Variants in TGFB2 observed in about 807,000 individuals in gnomAD.
The protein encoded by TGFB2 is transforming growth factor beta 2, also known as transforming growth factor beta-2 proprotein.
TGFB2 carries 13 observed loss-of-function variants against 42.7 expected under a neutral mutation model. That is an observed-to-expected ratio of 0.30 (90% CI 0.20 to 0.48). The LOEUF (loss-of-function observed/expected upper bound fraction) is 0.48. TGFB2 is among the 20% of genes least tolerant of loss of function. TGFB2 has a pLI of 0.99. For synonymous variants in TGFB2, 193 were observed against 193.6 expected, an observed-to-expected ratio of 1.00 and a Z score of 0.03; for missense variants, 390 against 517.5, an observed-to-expected ratio of 0.75 and a Z score of 2.39.
At chr1:218,391,687 G>A (rs960653928) in intron 1 of TGFB2, among the ~76,000 whole-genome samples, 11 of 152,198 alleles carry the variant, frequency 7.2e-5, no homozygotes, top group Non-Finnish European at 1.6e-4. Flanking sequence ...ATTGCACAGG[G>A]TGTAAGCGTA....
chr1:218,378,773 G>GTT (rs11375487), intron 1 of TGFB2, among the ~76,000 whole-genome samples: 6,790 of 148,874 alleles, frequency 0.046, 406 homozygotes, highest in African/African-American at 0.14. Flanking sequence ...CACCCGGCCT[G>GTT]TTTTTTTTTT....
chr1:218,349,890 T>C (rs924214793), intron 1 of TGFB2, among the ~76,000 whole-genome samples: 1 of 152,230 alleles, frequency 6.6e-6, no homozygotes, highest in African/African-American at 2.4e-5. Flanking sequence ...ATTTATGGGA[T>C]ATAAATAATA....
At chr1:218,376,153 C>T (rs1272642679) in intron 1 of TGFB2, among the ~76,000 whole-genome samples, 1 of 152,086 alleles carries the variant, frequency 6.6e-6, no homozygotes, top group Admixed American at 6.5e-5. Context: ...GTGGTAAGTG[C>T]GTACATCTCC....
intron 6 of TGFB2, 100 bp from the exon 7 acceptor site, chr1:218,441,104 A>T: frequency 8.8e-7 from 1 of 1,136,042 alleles, no homozygotes; most frequent in Non-Finnish European, 1.3e-6. Flanking sequence ...TTGCCTACTC[A>T]GTGCTGTGAC....
chr1:218,352,360 T>C (rs960922145), intron 1 of TGFB2, among the ~76,000 whole-genome samples: 2 of 152,196 alleles, frequency 1.3e-5, no homozygotes, highest in Non-Finnish European at 2.9e-5. Context: ...CTTGATGAAA[T>C]GTGGCTCTGC....
At chr1:218,375,224 T>G (rs1040241947) in intron 1 of TGFB2, among the ~76,000 whole-genome samples, 1 of 152,074 alleles carries the variant, frequency 6.6e-6, no homozygotes, top group Non-Finnish European at 1.5e-5. Context: ...AACCTTTGGT[T>G]TTTTTTATCC....
intron 1 of TGFB2, among the ~76,000 whole-genome samples, chr1:218,358,597 G>A (rs567875703): frequency 3.4e-4 from 49 of 142,724 alleles, no homozygotes; most frequent in African/African-American, 1.3e-3. Context: ...CACCTAGGCT[G>A]GAGTGCAGTG....
At chr1:218,424,983 G>T (rs1207405087) in intron 2 of TGFB2, among the ~76,000 whole-genome samples, 1 of 152,160 alleles carries the variant, frequency 6.6e-6, no homozygotes, top group Non-Finnish European at 1.5e-5. Context: ...GACACACCTT[G>T]AACTTTTGCC....
At chr1:218,388,245 CTG>C (rs1482609496) in intron 1 of TGFB2, among the ~76,000 whole-genome samples, 2 of 152,178 alleles carry the variant, frequency 1.3e-5, no homozygotes, top group African/African-American at 4.8e-5. Flanking sequence ...AAAACTCTGT[CTG>C]TGTTTAGGCT....
intron 1 of TGFB2, among the ~76,000 whole-genome samples, chr1:218,382,081 C>A (rs1162653168): frequency 6.6e-6 from 1 of 151,968 alleles, no homozygotes; most frequent in Non-Finnish European, 1.5e-5. Flanking sequence ...CAGATGGAGG[C>A]CACCATTAAA....
intron 1 of TGFB2, among the ~76,000 whole-genome samples, chr1:218,390,050 T>C (rs1431934805): frequency 6.6e-6 from 1 of 152,262 alleles, no homozygotes. Context: ...GGTGCTCTAT[T>C]TACTTTCACC....
chr1:218,396,747 C>A (rs1658524572), intron 1 of TGFB2, among the ~76,000 whole-genome samples: 1 of 152,078 alleles, frequency 6.6e-6, no homozygotes, highest in African/African-American at 2.4e-5. Flanking sequence ...TTAAAATCAT[C>A]TGAGGAACTT....
chr1:218,397,563 C>CAAAAA (rs759635592), intron 1 of TGFB2, among the ~76,000 whole-genome samples: 51 of 91,380 alleles, frequency 5.6e-4, no homozygotes, highest in African/African-American at 1.9e-3. Flanking sequence ...GACTCCGTCT[C>CAAAAA]AAAAAAAAAA....
intron 1 of TGFB2, among the ~76,000 whole-genome samples, chr1:218,384,414 G>T (rs941768956): frequency 6.6e-6 from 1 of 152,154 alleles, no homozygotes; most frequent in Non-Finnish European, 1.5e-5. Context: ...TATAATAAGA[G>T]GCTATCTTAC....
At chr1:218,355,680 T>C (rs565914353) in intron 1 of TGFB2, among the ~76,000 whole-genome samples, 75 of 152,306 alleles carry the variant, frequency 4.9e-4, no homozygotes, top group African/African-American at 1.7e-3. Flanking sequence ...TAAAGGATGA[T>C]GTGTGTGAAA....
chr1:218,371,629 A>G (rs2102554826), intron 1 of TGFB2, among the ~76,000 whole-genome samples: 1 of 152,268 alleles, frequency 6.6e-6, no homozygotes, highest in East Asian at 1.9e-4. Context: ...ACTCAGGCTT[A>G]CCTCCAAAGC....
intron 1 of TGFB2, among the ~76,000 whole-genome samples, chr1:218,352,405 G>T (rs1483933453): frequency 6.6e-6 from 1 of 152,090 alleles, no homozygotes; most frequent in Non-Finnish European, 1.5e-5. Flanking sequence ...CATTTTGAAG[G>T]CATATGTGTG....
At chr1:218,354,549 A>G (rs1656972034) in intron 1 of TGFB2, among the ~76,000 whole-genome samples, 1 of 152,206 alleles carries the variant, frequency 6.6e-6, no homozygotes, top group South Asian at 2.1e-4. Context: ...AAGCAATCCT[A>G]TGAGGTTAAT....
chr1:218,360,443 C>T (rs1053877012), intron 1 of TGFB2, among the ~76,000 whole-genome samples: 12 of 152,112 alleles, frequency 7.9e-5, no homozygotes, highest in African/African-American at 2.4e-4. Flanking sequence ...TGAGTGCCTG[C>T]GTTCTTCTAA....
Sources: allele counts gnomAD v4.1 joint callset (sites outside exome capture counted in the v4.1 genomes callset), GRCh38; gene constraint gnomAD v4.1.1; transcripts MANE v1.5; gene names NCBI Gene and HGNC (gene_info 2026-07-23, HGNC 2026-07-21).